HPD: variants seen among roughly 807,000 people sequenced by gnomAD.
HPD encodes 4-hydroxyphenylpyruvate dioxygenase, also known as 4-hydroxyphenylpyruvic acid oxidase.
In HPD, 35 loss-of-function variants were observed where a neutral mutation model predicts 56.9. The observed-to-expected ratio is 0.62, with a 90% CI of 0.47 to 0.82. The LOEUF (loss-of-function observed/expected upper bound fraction) is 0.82. Ranked by LOEUF, HPD falls within the 40% of genes least tolerant of loss-of-function variation. HPD has a pLI of 0.00. For missense variants in HPD, 442 were observed against 506.8 expected, an observed-to-expected ratio of 0.87 and a Z score of 1.23; for synonymous variants, 186 against 200.2, an observed-to-expected ratio of 0.93 and a Z score of 0.60.
chr12:121,847,027 C>A, intron 10 of HPD, 25 bp downstream of exon 10: 1 of 1,614,152 alleles, frequency 6.2e-7, no homozygotes, highest in Non-Finnish European at 8.5e-7. Flanking sequence ...CTGCTCCCCT[C>A]TCCCCCAGCC....
intron 11 of HPD, among the ~76,000 whole-genome samples, chr12:121,844,290 C>G (rs1464733953): frequency 6.6e-6 from 1 of 152,070 alleles, no homozygotes; most frequent in Admixed American, 6.6e-5. Context: ...GGCGATCCAC[C>G]TACCTCGGCC....
At chr12:121,863,144 AG>A (rs1878228479), upstream of HPD, among the ~76,000 whole-genome samples, 1 of 151,810 alleles carries the variant, frequency 6.6e-6, no homozygotes, top group Admixed American at 6.6e-5. Flanking sequence ...CACCACACCA[AG>A]CTAATTTTTG....
the HPD span, among the ~76,000 whole-genome samples, chr12:121,888,453 C>T: frequency 6.6e-6 from 1 of 152,304 alleles, no homozygotes; most frequent in Non-Finnish European, 1.5e-5. Flanking sequence ...TCCTCCAGGG[C>T]TGTGTGGATG....
the HPD span, among the ~76,000 whole-genome samples, chr12:121,881,829 A>ATTTTTTTTTT: frequency 3.1e-5 from 3 of 97,140 alleles, no homozygotes; most frequent in Non-Finnish European, 5.2e-5. Flanking sequence ...TGTATTTTTA[A>ATTTTTTTTTT]TAGAGACAGG....
chr12:121,877,481 C>T, the HPD span, among the ~76,000 whole-genome samples: 1 of 151,830 alleles, frequency 6.6e-6, no homozygotes. Flanking sequence ...CCTGTAGTCC[C>T]AGCACTTTGG....
chr12:121,859,808 C>T (rs1878128655), upstream of HPD, among the ~76,000 whole-genome samples: 1 of 152,248 alleles, frequency 6.6e-6, no homozygotes, highest in African/African-American at 2.4e-5. Flanking sequence ...CTTATTCTGC[C>T]TGTCCTGGGC....
intron 4 of HPD, 121 bp downstream of exon 4, chr12:121,857,207 G>A (rs898584792): frequency 2.8e-6 from 2 of 722,454 alleles, no homozygotes; most frequent in Non-Finnish European, 5.0e-6. Context: ...AGCCTCCTGA[G>A]TAGCTGGGAT....
chr12:121,848,895 T>G (rs576183033), intron 9 of HPD, 104 bp downstream of exon 9: 79 of 911,328 alleles, frequency 8.7e-5, no homozygotes, highest in Non-Finnish European at 1.3e-4. Context: ...TGTGAGCCAC[T>G]GCACCCAGTC....
upstream of HPD, chr12:121,859,167 G>T: frequency 2.5e-6 from 1 of 400,982 alleles, no homozygotes; most frequent in South Asian, 2.3e-5. Flanking sequence ...CGGCTGGAGT[G>T]CAGTGGCGGC....
Position 121,856,329 on chromosome 12 carries a change from C to G in HPD, c.319G>C (p.Val107Leu), listed in dbSNP as rs750094068. The G allele has an allele frequency of 2.5e-6, 4 of 1,613,590 alleles. No individual in the cohort carries two copies. The South Asian group carries it at 4.4e-5, about 18-fold the overall frequency. ...CCACCCAGGTGCTTTCTTACCTGCA[C>G]GATGTAGTCACAATCTTCCACCTCG... ...AFEVEDCDYI[V>L]QKARERGAKI... Residue 107 changes from valine (V) to leucine (L), a missense_variant, in exon 6 of 14, where the codon GTG becomes CTG. Coordinates refer to ENST00000289004, the MANE Select transcript of HPD (RefSeq NM_002150.3).
At chr12:121,858,609 G>T in intron 2 of HPD, 78 bp downstream of exon 2, 1 of 1,379,068 alleles carries the variant, frequency 7.3e-7, no homozygotes, top group Non-Finnish European at 1.0e-6. Context: ...TCTGCTCTCT[G>T]CTGAAACCCC....
chr12:121,862,596 C>CT (rs146807602), upstream of HPD, among the ~76,000 whole-genome samples: 219 of 43,094 alleles, frequency 5.1e-3, 24 homozygotes, highest in East Asian at 9.2e-3. Context: ...CGCTCTCGGC[C>CT]TTTTTTTTTT....
chr12:121,863,277 C>T (rs1373788977), upstream of HPD, among the ~76,000 whole-genome samples: 1 of 152,230 alleles, frequency 6.6e-6, no homozygotes, highest in Non-Finnish European at 1.5e-5. Context: ...AGCCACTGCG[C>T]CCAGCCAGCT....
chr12:121,871,949 C>A, the HPD span, among the ~76,000 whole-genome samples: 1 of 150,992 alleles, frequency 6.6e-6, no homozygotes, highest in Non-Finnish European at 1.5e-5. Flanking sequence ...GATGGAGTCT[C>A]GGGCTGGGCG....
intron 2 of HPD, 43 bp from the exon 3 acceptor site, chr12:121,857,862 A>C: frequency 6.7e-7 from 1 of 1,497,664 alleles, no homozygotes; most frequent in South Asian, 1.1e-5. Context: ...CCTGAAAGTG[A>C]GTCTAGAAAA....
the HPD span, among the ~76,000 whole-genome samples, chr12:121,875,039 C>T: frequency 3.3e-5 from 5 of 152,110 alleles, no homozygotes; most frequent in South Asian, 2.1e-4. Flanking sequence ...GGATTACAGG[C>T]GTGAGCCACC....
chr12:121,870,669 TCAC>T, the HPD span, among the ~76,000 whole-genome samples: 2 of 143,916 alleles, frequency 1.4e-5, no homozygotes, highest in African/African-American at 5.2e-5. Context: ...GGATCTCAGC[TCAC>T]CACAACCTCT....
intron 12 of HPD, among the ~76,000 whole-genome samples, 192 bp downstream of exon 12, chr12:121,843,518 T>C (rs1193135925): frequency 6.6e-6 from 1 of 152,242 alleles, no homozygotes; most frequent in Non-Finnish European, 1.5e-5. Context: ...GCACTGACTA[T>C]CTCTGACCGT....
At chr12:121,854,590 T>C (rs1004864816) in intron 7 of HPD, 113 bp downstream of exon 7, 6 of 816,736 alleles carry the variant, frequency 7.3e-6, no homozygotes, top group Admixed American at 3.4e-5. Context: ...TGAGGGACAA[T>C]GTCTGTGCTC....
Sources: gnomAD v4.1 joint callset for allele counts (sites outside exome capture counted in the v4.1 genomes callset) on GRCh38, gnomAD v4.1.1 for gene constraint, MANE v1.5 for transcripts, NCBI Gene and HGNC (gene_info 2026-07-23, HGNC 2026-07-21) for gene names.